The following DOCK4 variants were observed in gnomAD, a reference collection of about 807,000 sequenced individuals.
The protein encoded by DOCK4 is dedicator of cytokinesis 4.
Under a neutral mutation model 268.1 loss-of-function variants are expected in DOCK4, and 97 were observed. The observed-to-expected ratio is 0.36, with a 90% confidence interval of 0.31 to 0.43. The LOEUF (loss-of-function observed/expected upper bound fraction) is 0.43, where lower values mean the gene tolerates loss of function less well. Among genes scored for constraint, DOCK4 ranks in the 20% least tolerant of loss-of-function variants. The pLI is 1.00. For missense variants in DOCK4, 2,145 were observed against 2,455.7 expected (o/e 0.87, Z 2.67); for synonymous variants, 954 against 887.2 (o/e 1.08, Z -1.34).
chr7:111,730,340 A>G (rs1465816448), intron 52 of DOCK4, among the ~76,000 whole-genome samples: 1 of 152,238 alleles, frequency 6.6e-6, no homozygotes, highest in Admixed American at 6.5e-5. Context: ...TTACTTGACT[A>G]TAGACCTTTT....
At chr7:111,920,437 G>C (rs1273648070) in intron 12 of DOCK4, among the ~76,000 whole-genome samples, 3 of 151,950 alleles carry the variant, frequency 2.0e-5, no homozygotes, top group African/African-American at 4.8e-5. Context: ...TATTAAAGCT[G>C]GGGCAAAAAA....
In DOCK4 at chr7:111,747,180, T is replaced by C. The variant is rs186946316; in HGVS notation, c.4593+87A>G. 58 of 1,304,132 alleles carry C rather than the reference T, an allele frequency of 4.4e-5. No homozygotes were observed. The East Asian group carries it at 1.3e-3, about 28-fold the overall frequency. 80.8% of individuals were successfully genotyped at this position (1,304,132 alleles called of 1,614,324 possible). On this transcript the variant is annotated intron_variant, in intron 43 of 52. Coordinates refer to ENST00000428084, the MANE Select transcript of DOCK4 (RefSeq NM_001363540.2). Reference sequence around the variant, plus strand: ...GCAGCCCTATGTTTGCGTGCTGATATGGGTACATAGTCTGAAAAAAGATTC... The same window carrying C: ...GCAGCCCTATGTTTGCGTGCTGATACGGGTACATAGTCTGAAAAAAGATTC...
At chr7:111,912,353 AC>A (rs1259622207) in intron 13 of DOCK4, among the ~76,000 whole-genome samples, 1 of 152,142 alleles carries the variant, frequency 6.6e-6, no homozygotes, top group Non-Finnish European at 1.5e-5. Context: ...GGTATGGAGC[AC>A]CCAGAAATAC....
At chr7:111,780,019 T>A (rs991783929) in intron 35 of DOCK4, among the ~76,000 whole-genome samples, 5 of 152,214 alleles carry the variant, frequency 3.3e-5, no homozygotes, top group African/African-American at 1.2e-4. Context: ...GGAGGAGTGA[T>A]AGGCTTTTCT....
chr7:111,927,507 T>C (rs551727446), intron 12 of DOCK4, among the ~76,000 whole-genome samples: 1 of 152,340 alleles, frequency 6.6e-6, no homozygotes, highest in East Asian at 1.9e-4. Context: ...GATGAGAGCA[T>C]TCGAAGGGAT....
At chr7:111,791,072 A>T (rs1183941426) in intron 30 of DOCK4, among the ~76,000 whole-genome samples, 8 of 113,382 alleles carry the variant, frequency 7.1e-5, no homozygotes, top group Admixed American at 1.7e-4. Flanking sequence ...AAAAAAAATT[A>T]TATATATATA....
intron 13 of DOCK4, among the ~76,000 whole-genome samples, chr7:111,909,100 A>G (rs1189163259): frequency 6.6e-6 from 1 of 152,198 alleles, no homozygotes; most frequent in Non-Finnish European, 1.5e-5. Flanking sequence ...ACTGACTTCC[A>G]CAATGGTTGA....
At chr7:112,124,183 C>T (rs933805441) in intron 1 of DOCK4, among the ~76,000 whole-genome samples, 3 of 152,036 alleles carry the variant, frequency 2.0e-5, no homozygotes, top group African/African-American at 7.2e-5. Flanking sequence ...CATCACCACA[C>T]TCGACTATTT....
At chr7:111,787,738 T>C (rs1799273006) in intron 32 of DOCK4, among the ~76,000 whole-genome samples, 1 of 152,210 alleles carries the variant, frequency 6.6e-6, no homozygotes, top group African/African-American at 2.4e-5. Context: ...TTTTAGGTGA[T>C]ACTTGGGCAT....
chr7:111,819,216 G>C (rs1330706799), intron 27 of DOCK4, among the ~76,000 whole-genome samples: 1 of 152,162 alleles, frequency 6.6e-6, no homozygotes, highest in Admixed American at 6.5e-5. Context: ...AAGCAAGTGT[G>C]TTATAAGGTT....
intron 10 of DOCK4, among the ~76,000 whole-genome samples, chr7:111,943,155 G>C (rs1795339537): frequency 6.6e-6 from 1 of 152,144 alleles, no homozygotes; most frequent in Non-Finnish European, 1.5e-5. Context: ...GTATTCATTT[G>C]CCCAAAACTG....
intron 23 of DOCK4, among the ~76,000 whole-genome samples, chr7:111,857,392 C>T (rs1283156446): frequency 6.6e-6 from 1 of 152,074 alleles, no homozygotes; most frequent in Non-Finnish European, 1.5e-5. Flanking sequence ...CTCTTGACTA[C>T]TTAAAAAAAT....
chr7:111,935,669 T>C (rs770195197), intron 11 of DOCK4, 41 bp from the exon 12 acceptor site: 2 of 1,538,968 alleles, frequency 1.3e-6, no homozygotes, highest in African/African-American at 1.4e-5. Context: ...TAATGATGCA[T>C]GCAGTCAAGC....
intron 1 of DOCK4, among the ~76,000 whole-genome samples, chr7:112,020,742 C>T (rs1029802185): frequency 2.7e-5 from 4 of 150,090 alleles, no homozygotes; most frequent in African/African-American, 9.8e-5. Flanking sequence ...TAAAGCTGGG[C>T]TTTTCAGGGA....
At position 111,988,910 on chromosome 7, in the gene DOCK4, G is replaced by C; in HGVS notation, c.464+105C>G. 6.9e-6 allele frequency: 10 copies of C among 1,444,060 alleles called. No homozygotes were observed. The South Asian group carries it at 1.2e-4, about 18-fold the overall frequency. 89.5% of individuals were successfully genotyped at this position (1,444,060 alleles called of 1,614,324 possible). A position where few individuals can be genotyped will look rare whatever the true frequency, so the allele number is the denominator to read the frequency against. On this transcript the variant is annotated intron_variant, in intron 6 of 52. Transcript: ENST00000428084. ...CTCCAAAAACAGGAAACATGAAAAA[G>C]CCCATAGGATTGCTTCCAGTGACAT...
chr7:111,793,548 GT>G (rs1427888883), intron 30 of DOCK4, among the ~76,000 whole-genome samples: 6 of 152,222 alleles, frequency 3.9e-5, no homozygotes, highest in African/African-American at 1.4e-4. Context: ...TATATTGTAT[GT>G]GTTTACTGTA....
intron 1 of DOCK4, among the ~76,000 whole-genome samples, chr7:112,145,818 G>C (rs1326768118): frequency 7.6e-6 from 1 of 130,788 alleles, no homozygotes; most frequent in African/African-American, 2.7e-5. Context: ...TTAGTTACTT[G>C]GAAGAAAAAA....
At chr7:111,745,901 C>T (rs962321024) in intron 44 of DOCK4, among the ~76,000 whole-genome samples, 5 of 151,974 alleles carry the variant, frequency 3.3e-5, no homozygotes, top group Admixed American at 1.3e-4. Flanking sequence ...CCCAACCTCA[C>T]GTGATGGGTT....
At chr7:112,048,844 T>C (rs1315677289) in intron 1 of DOCK4, among the ~76,000 whole-genome samples, 2 of 152,116 alleles carry the variant, frequency 1.3e-5, no homozygotes, top group African/African-American at 2.4e-5. Flanking sequence ...GGTAAACATG[T>C]GCCATGGTGG....
Sources: allele counts gnomAD v4.1 joint callset (sites outside exome capture counted in the v4.1 genomes callset), GRCh38; gene constraint gnomAD v4.1.1; transcripts MANE v1.5; gene names NCBI Gene and HGNC (gene_info 2026-07-23, HGNC 2026-07-21).